The following ZNF536 variants were observed in gnomAD, a reference collection of about 807,000 sequenced individuals.
ZNF536 encodes zinc finger protein 536.
Under a neutral mutation model 84.5 loss-of-function variants are expected in ZNF536, and 13 were observed. That is an observed-to-expected ratio of 0.15 (90% CI 0.10 to 0.24). ZNF536 has a LOEUF of 0.24. Among genes scored for constraint, ZNF536 ranks in the 10% least tolerant of loss-of-function variants. The probability of loss-of-function intolerance (pLI) is 1.00; values close to 1 mark genes in which losing one functional copy is unlikely to be tolerated. For missense variants in ZNF536, 1,536 were observed against 1,747.5 expected, an observed-to-expected ratio of 0.88 and a Z score of 2.16; for synonymous variants, 811 against 742.5, an observed-to-expected ratio of 1.09 and a Z score of -1.50.
chr19:30,447,160 G>A (rs1221675506), intron 2 of ZNF536, among the ~76,000 whole-genome samples: 1 of 152,180 alleles, frequency 6.6e-6, no homozygotes, highest in African/African-American at 2.4e-5. Flanking sequence ...GCAGCACCCT[G>A]TTGAGGGTCA....
At chr19:30,504,350 C>T (rs930476579) in intron 2 of ZNF536, among the ~76,000 whole-genome samples, 25 of 146,248 alleles carry the variant, frequency 1.7e-4, no homozygotes, top group African/African-American at 6.3e-4. Context: ...TCCTTCCTTC[C>T]TACTTCCTTC....
At chr19:30,282,182 T>C (rs574754352) in intron 1 of ZNF536, among the ~76,000 whole-genome samples, 51 of 152,340 alleles carry the variant, frequency 3.3e-4, no homozygotes, top group African/African-American at 1.2e-3. Context: ...AAGGCACAGA[T>C]GGAACTAACT....
chr19:30,682,511 A>G (rs1191460993), intron 1 of ZNF536, among the ~76,000 whole-genome samples: 2 of 152,166 alleles, frequency 1.3e-5, no homozygotes, highest in African/African-American at 2.4e-5. Context: ...GAAGGAGGCA[A>G]TTCAGATACG....
chr19:30,236,610 A>T (rs1255944897), intron 1 of ZNF536, among the ~76,000 whole-genome samples: 3 of 152,212 alleles, frequency 2.0e-5, no homozygotes, highest in Non-Finnish European at 4.4e-5. Context: ...AGACAAGATA[A>T]CATGAACATT....
At chr19:30,438,175 C>T (rs1327388589) in intron 1 of ZNF536, among the ~76,000 whole-genome samples, 1 of 152,008 alleles carries the variant, frequency 6.6e-6, no homozygotes, top group Non-Finnish European at 1.5e-5. Flanking sequence ...GGGGATTGGG[C>T]TTATAGTGCA....
At chr19:30,341,542 A>G (rs1272869924) in intron 2 of ZNF536, among the ~76,000 whole-genome samples, 1 of 152,154 alleles carries the variant, frequency 6.6e-6, no homozygotes, top group Non-Finnish European at 1.5e-5. Context: ...GTCCCTTGCT[A>G]TTCTGCATGA....
intron 2 of ZNF536, among the ~76,000 whole-genome samples, chr19:30,468,500 G>A (rs2053502736): frequency 6.6e-6 from 1 of 152,178 alleles, no homozygotes; most frequent in African/African-American, 2.4e-5. Flanking sequence ...CACTCTGGCA[G>A]TTCATAAACT....
chr19:30,489,913 A>G (rs553873856), intron 2 of ZNF536, among the ~76,000 whole-genome samples: 6 of 152,354 alleles, frequency 3.9e-5, no homozygotes, highest in Admixed American at 2.0e-4. Flanking sequence ...TGAATTTCCA[A>G]TATGGTACTT....
At position 30,335,544 on chromosome 19, in the gene ZNF536, G is replaced by A. The variant is rs1026426131; in HGVS notation, c.-119-16824G>A. On this transcript the variant is annotated intron_variant, in intron 2 of 5. Coordinates refer to the ZNF536 transcript ENST00000585628. ...GTGTTCAGCAGGTGCTGAGCTACGC[G>A]GTGGGTGTCTGGTCTCCTGAACTGA... 4.6e-5 allele frequency among the ~76,000 whole-genome samples: 7 copies of A among 152,108 alleles called. No homozygotes were observed. The East Asian group carries it at 5.8e-4, about 13-fold the overall frequency.
intron 2 of ZNF536, among the ~76,000 whole-genome samples, chr19:30,517,546 T>C (rs1406185715): frequency 1.3e-5 from 2 of 152,160 alleles, no homozygotes; most frequent in African/African-American, 2.4e-5. Flanking sequence ...TGACCATGTG[T>C]GAGTGAAATG....
At chr19:30,519,294 TG>T (rs2044221507) in intron 2 of ZNF536, among the ~76,000 whole-genome samples, 1 of 152,168 alleles carries the variant, frequency 6.6e-6, no homozygotes, top group African/African-American at 2.4e-5. Flanking sequence ...TGTCGAGCCC[TG>T]GCTGGGGCAG....
intron 1 of ZNF536, among the ~76,000 whole-genome samples, chr19:30,675,942 C>T (rs991628216): frequency 2.6e-5 from 4 of 152,114 alleles, no homozygotes; most frequent in African/African-American, 9.7e-5. Flanking sequence ...ACTGCAGCCT[C>T]GACCTCCTAG....
intron 2 of ZNF536, among the ~76,000 whole-genome samples, chr19:30,461,962 C>T (rs776437150): frequency 2.0e-5 from 3 of 152,162 alleles, no homozygotes; most frequent in Admixed American, 6.5e-5. Context: ...GGAGAGACTC[C>T]CCCATCAGTA....
chr19:30,324,592 A>G (rs572084304), intron 2 of ZNF536, among the ~76,000 whole-genome samples: 1 of 152,250 alleles, frequency 6.6e-6, no homozygotes, highest in East Asian at 1.9e-4. Flanking sequence ...GGGTCTCACT[A>G]CATTAATCAG....
At chr19:30,251,627 G>C (rs2024615927) in intron 1 of ZNF536, among the ~76,000 whole-genome samples, 1 of 152,182 alleles carries the variant, frequency 6.6e-6, no homozygotes. Flanking sequence ...GTGGTGTTTG[G>C]TTACATGAGT....
At chr19:30,510,775 C>T (rs369705484) in intron 2 of ZNF536, among the ~76,000 whole-genome samples, 53 of 152,330 alleles carry the variant, frequency 3.5e-4, no homozygotes, top group African/African-American at 1.3e-3. Context: ...CTGTAGTTAT[C>T]CTCATCGCCT....
At chr19:30,357,351 A>G (rs1441384753) in intron 3 of ZNF536, among the ~76,000 whole-genome samples, 8 of 152,166 alleles carry the variant, frequency 5.3e-5, no homozygotes, top group Non-Finnish European at 2.9e-5. Flanking sequence ...TGGCATGTCT[A>G]AGGGACAGCG....
chr19:30,227,284 G>T (rs542176246), upstream of ZNF536, among the ~76,000 whole-genome samples: 75 of 152,216 alleles, frequency 4.9e-4, 1 homozygote, highest in South Asian at 0.012. Flanking sequence ...TTTCACTTCT[G>T]TATTGTGAGT....
intron 4 of ZNF536, chr19:30,555,005 T>A (rs1428401889): frequency 2.0e-5 from 3 of 152,212 alleles, no homozygotes; most frequent in African/African-American, 7.2e-5. Context: ...GTAGAGGACT[T>A]GTTGACCCAG....
Sources: gnomAD v4.1 joint callset for allele counts (sites outside exome capture counted in the v4.1 genomes callset) on GRCh38, gnomAD v4.1.1 for gene constraint, MANE v1.5 for transcripts, NCBI Gene and HGNC (gene_info 2026-07-23, HGNC 2026-07-21) for gene names.